Variants in DGKI observed in about 807,000 individuals in gnomAD.
The protein encoded by DGKI is DAG kinase iota.
A neutral mutation model predicts 147.5 loss-of-function variants in DGKI; 55 were observed. The observed-to-expected ratio is 0.37, with a 90% CI of 0.30 to 0.47. DGKI has a LOEUF of 0.47. DGKI is among the 20% of genes least tolerant of loss of function. The pLI is 1.00. For synonymous variants in DGKI, 469 were observed against 477.1 expected, an observed-to-expected ratio of 0.98 and a Z score of 0.22; for missense variants, 1,007 against 1,323.8, an observed-to-expected ratio of 0.76 and a Z score of 3.71.
chr7:137,659,758 T>C lies in DGKI; in HGVS notation c.607-3218A>G, dbSNP rs1030734501. Among the ~76,000 whole-genome samples, 104 of 152,198 alleles carry C rather than the reference T, an allele frequency of 6.8e-4. 1 individual carries two copies. The highest frequency in any genetic ancestry group is 3.4e-3 in the Middle Eastern group (1 of 294). On this transcript the variant is annotated intron_variant, in intron 3 of 32. Coordinates refer to ENST00000614521, the MANE Select transcript of DGKI (RefSeq NM_001321708.2). Reference sequence around the variant, plus strand: ...CCATCCTGGCTAACACAGTGAAAGCTCGTCTCTACTAAAAATACAAAAAAA... The same window carrying C: ...CCATCCTGGCTAACACAGTGAAAGCCCGTCTCTACTAAAAATACAAAAAAA...
intron 20 of DGKI, among the ~76,000 whole-genome samples, chr7:137,527,853 AT>A (rs1478647750): frequency 6.6e-6 from 1 of 152,152 alleles, no homozygotes; most frequent in Non-Finnish European, 1.5e-5. Flanking sequence ...ATATAATAAA[AT>A]TTGTTTCTAA....
chr7:137,827,782 A>G (rs182436382), intron 1 of DGKI, among the ~76,000 whole-genome samples: 6 of 152,236 alleles, frequency 3.9e-5, no homozygotes, highest in African/African-American at 1.2e-4. Flanking sequence ...CATTCCTTCA[A>G]ATATTCAAAT....
At chr7:137,628,181 T>TTCTTAG (rs1297288891) in intron 6 of DGKI, among the ~76,000 whole-genome samples, 2 of 152,152 alleles carry the variant, frequency 1.3e-5, no homozygotes, top group African/African-American at 4.8e-5. Flanking sequence ...CTACTAAGTA[T>TTCTTAG]TAGCCCTCTG....
intron 11 of DGKI, among the ~76,000 whole-genome samples, chr7:137,598,229 CTTTT>C (rs1479817603): frequency 6.6e-6 from 1 of 152,044 alleles, no homozygotes; most frequent in East Asian, 1.9e-4. Context: ...TGACTTCCTT[CTTTT>C]TCTTTTCCCA....
chr7:137,466,860 G>C lies in DGKI; in HGVS notation c.2484+42C>G, dbSNP rs1424882432. On this transcript the variant is annotated intron_variant, in intron 25 of 32. Transcript: ENST00000614521. ...AGCTACCAATAAAGCACATTAACTT[G>C]GGAATTTTTCACTTTCACAAGCAGG... is the stretch of plus-strand genomic sequence containing the variant. 16 of 1,602,114 alleles carry C rather than the reference G, an allele frequency of 1.0e-5. 1 individual carries two copies. The highest frequency in any genetic ancestry group is 8.6e-7 in the Non-Finnish European group (1 of 1,169,342).
At chr7:137,816,235 T>C (rs572277426) in intron 1 of DGKI, among the ~76,000 whole-genome samples, 22 of 152,240 alleles carry the variant, frequency 1.4e-4, no homozygotes, top group Admixed American at 5.9e-4. Context: ...ACAAAAAGCA[T>C]GTGTGAATAA....
chr7:137,559,158 G>T (rs1490633869), intron 19 of DGKI, among the ~76,000 whole-genome samples: 1 of 119,792 alleles, frequency 8.3e-6, no homozygotes, highest in African/African-American at 3.3e-5. Context: ...TGCAAGCTCC[G>T]CCTCCCGGGT....
chr7:137,430,336 T>C (rs1813012144), intron 28 of DGKI, among the ~76,000 whole-genome samples: 1 of 144,622 alleles, frequency 6.9e-6, no homozygotes, highest in African/African-American at 2.6e-5. Context: ...TTCTCACTCA[T>C]AGGTGGGAAC....
At position 137,798,592 on chromosome 7, in the gene DGKI, G is replaced by T. The variant is rs569727843; in HGVS notation, c.401+47870C>A. 5.9e-5 allele frequency among the ~76,000 whole-genome samples: 9 copies of T among 151,976 alleles called. No individual in the cohort carries two copies. The East Asian group carries it at 1.7e-3, about 29-fold the overall frequency. On this transcript the variant is annotated intron_variant, in intron 1 of 32. Coordinates refer to ENST00000614521, the MANE Select transcript of DGKI (RefSeq NM_001321708.2). ...GCACCATCACGCCTAGCTAATTTTT[G>T]TATTTTTTGTAGAGAGGGTATTTTA...
chr7:137,446,260 G>A (rs1463722622), intron 27 of DGKI, among the ~76,000 whole-genome samples: 5 of 152,246 alleles, frequency 3.3e-5, no homozygotes, highest in Admixed American at 2.6e-4. Flanking sequence ...GCATTCTGCA[G>A]TATGTCCAGG....
intron 1 of DGKI, among the ~76,000 whole-genome samples, chr7:137,765,699 C>A (rs1016094282): frequency 6.6e-6 from 1 of 152,198 alleles, no homozygotes; most frequent in Non-Finnish European, 1.5e-5. Flanking sequence ...AGAGATGATG[C>A]AGCTGAATCC....
At chr7:137,536,282 C>G (rs1050334670) in intron 20 of DGKI, among the ~76,000 whole-genome samples, 2 of 152,146 alleles carry the variant, frequency 1.3e-5, no homozygotes, top group Non-Finnish European at 2.9e-5. Context: ...GTCTTCTCAT[C>G]TAGGGAATGA....
intron 2 of DGKI, among the ~76,000 whole-genome samples, chr7:137,678,999 A>G (rs558236447): frequency 6.6e-6 from 1 of 152,342 alleles, no homozygotes; most frequent in African/African-American, 2.4e-5. Context: ...AAATGTCATG[A>G]CAACTGAGAC....
intron 23 of DGKI, among the ~76,000 whole-genome samples, chr7:137,482,148 A>G (rs997398101): frequency 1.3e-5 from 2 of 152,058 alleles, no homozygotes; most frequent in African/African-American, 4.8e-5. Context: ...TTTATAATAC[A>G]CACACCTAGA....
chr7:137,470,318 C>T (rs1814830723), intron 23 of DGKI, among the ~76,000 whole-genome samples: 1 of 152,206 alleles, frequency 6.6e-6, no homozygotes, highest in South Asian at 2.1e-4. Flanking sequence ...TCCTATTTAA[C>T]ATCAAGTCTG....
intron 1 of DGKI, among the ~76,000 whole-genome samples, chr7:137,818,893 C>CA (rs1797815141): frequency 6.6e-6 from 1 of 152,148 alleles, no homozygotes; most frequent in African/African-American, 2.4e-5. Context: ...GTTCCTAAGA[C>CA]AATTAGAAAT....
intron 1 of DGKI, among the ~76,000 whole-genome samples, chr7:137,752,484 G>A (rs1026367084): frequency 6.6e-6 from 1 of 152,156 alleles, no homozygotes; most frequent in African/African-American, 2.4e-5. Context: ...GAAAGAAGAA[G>A]TAAAAACTAA....
chr7:137,670,269 T>C (rs1585351634), intron 3 of DGKI, among the ~76,000 whole-genome samples: 1 of 152,350 alleles, frequency 6.6e-6, no homozygotes, highest in African/African-American at 2.4e-5. Context: ...TAAAGATCCC[T>C]TGGCTTCATA....
In DGKI at chr7:137,465,956, G is replaced by T; in HGVS notation, c.2564C>A (p.Ala855Glu). 6.2e-7 allele frequency: 1 copy of T among 1,614,052 alleles called. No homozygotes were observed. The highest frequency in any genetic ancestry group is 1.3e-5 in the African/African-American group (1 of 75,052). Residue 855 changes from alanine (A) to glutamate (E), a missense_variant, in exon 26 of 33, where the codon GCG becomes GAG. Coordinates refer to ENST00000614521, the MANE Select transcript of DGKI (RefSeq NM_001321708.2). ...GTCAGGCATGCCCGGAGGTGTCCCC[G>T]CCGGCTGTGACACCACCATATCTGG... Reference protein sequence around the residue: ...LDPDMVVSQPAGTPPGMPDLV... With the variant: ...LDPDMVVSQPEGTPPGMPDLV...
Sources: allele counts gnomAD v4.1 joint callset (sites outside exome capture counted in the v4.1 genomes callset), GRCh38; gene constraint gnomAD v4.1.1; transcripts MANE v1.5; gene names NCBI Gene and HGNC (gene_info 2026-07-23, HGNC 2026-07-21).